Variants in MGAT4C observed in about 807,000 individuals in gnomAD.
MGAT4C encodes MGAT4 family member C.
A neutral mutation model predicts 40.1 loss-of-function variants in MGAT4C; 19 were observed. That is an observed-to-expected ratio of 0.47 (90% CI 0.33 to 0.70). The LOEUF (loss-of-function observed/expected upper bound fraction) is 0.70, where lower values mean the gene tolerates loss of function less well. Ranked by LOEUF, MGAT4C falls within the 30% of genes least tolerant of loss-of-function variation. The pLI, the probability that MGAT4C is intolerant of heterozygous loss-of-function variation, is 0.02. For synonymous variants in MGAT4C, 181 were observed against 187.1 expected, an observed-to-expected ratio of 0.97 and a Z score of 0.27; for missense variants, 491 against 563.2, an observed-to-expected ratio of 0.87 and a Z score of 1.30.
intron 2 of MGAT4C, among the ~76,000 whole-genome samples, chr12:86,592,299 T>C (rs1344064537): frequency 2.0e-5 from 3 of 152,090 alleles, no homozygotes; most frequent in African/African-American, 4.8e-5. Flanking sequence ...CATGAATTTC[T>C]TTCTACTTTA....
At chr12:86,543,115 G>A (rs1173351855) in intron 2 of MGAT4C, among the ~76,000 whole-genome samples, 1 of 151,910 alleles carries the variant, frequency 6.6e-6, no homozygotes, top group Non-Finnish European at 1.5e-5. Context: ...ACCAAACTGA[G>A]TGGGTTCTGT....
At chr12:86,813,107 T>G (rs1952508757) in intron 1 of MGAT4C, among the ~76,000 whole-genome samples, 2 of 151,994 alleles carry the variant, frequency 1.3e-5, no homozygotes, top group Non-Finnish European at 2.9e-5. Context: ...TTGTCAGCAT[T>G]GTCTTTTGCT....
chr12:86,803,572 A>T (rs1212335731), intron 1 of MGAT4C, among the ~76,000 whole-genome samples: 1 of 150,140 alleles, frequency 6.7e-6, no homozygotes, highest in Non-Finnish European at 1.5e-5. Context: ...TTTACAAGAA[A>T]AAAACAAACA....
chr12:86,298,862 T>C (rs1222182703), intron 4 of MGAT4C, among the ~76,000 whole-genome samples: 3 of 152,142 alleles, frequency 2.0e-5, no homozygotes, highest in African/African-American at 7.2e-5. Flanking sequence ...AATCACTCAA[T>C]AAGTGGTTAT....
chr12:85,959,225 G>A lies in MGAT4C; in HGVS notation c.*20064C>T, dbSNP rs1882982627. The A allele has an allele frequency of 6.6e-6, 1 of 151,884 alleles. No homozygotes were observed. The highest frequency in any genetic ancestry group is 1.5e-5 in the Non-Finnish European group (1 of 67,952). 9.4% of individuals were successfully genotyped at this position (151,884 alleles called of 1,614,324 possible). A position where few individuals can be genotyped will look rare whatever the true frequency, so the allele number is the denominator to read the frequency against. On this transcript the variant is annotated 3_prime_UTR_variant, in exon 5 of 5. Coordinates refer to ENST00000611864, the MANE Select transcript of MGAT4C (RefSeq NM_001351288.2). Reference sequence around the variant, plus strand: ...CATTGCTTTGAAGAAGAAACCTTAAGCAACTAGAAATGTCAATCTAAAAGG... The same window carrying A: ...CATTGCTTTGAAGAAGAAACCTTAAACAACTAGAAATGTCAATCTAAAAGG...
chr12:86,117,598 T>C (rs2135670071), intron 1 of MGAT4C, among the ~76,000 whole-genome samples: 1 of 152,270 alleles, frequency 6.6e-6, no homozygotes, highest in East Asian at 1.9e-4. Context: ...ATCATCACTC[T>C]ACCAAATTTC....
chr12:86,139,911 C>G (rs932407232), intron 1 of MGAT4C, among the ~76,000 whole-genome samples: 55 of 152,276 alleles, frequency 3.6e-4, no homozygotes, highest in African/African-American at 1.3e-3. Flanking sequence ...TGACCTTTTA[C>G]AAATACAAAT....
intron 1 of MGAT4C, among the ~76,000 whole-genome samples, chr12:86,765,845 C>T (rs992732354): frequency 6.6e-6 from 1 of 151,998 alleles, no homozygotes; most frequent in African/African-American, 2.4e-5. Flanking sequence ...CCAGGCCTGC[C>T]CTAAAAGAGC....
At chr12:86,639,987 A>G (rs1157782591) in intron 2 of MGAT4C, among the ~76,000 whole-genome samples, 1 of 151,720 alleles carries the variant, frequency 6.6e-6, no homozygotes, top group Non-Finnish European at 1.5e-5. Context: ...TCATATATAT[A>G]TAGTTACACT....
chr12:86,052,300 AC>A (rs548112275), intron 1 of MGAT4C, among the ~76,000 whole-genome samples: 85 of 151,910 alleles, frequency 5.6e-4, no homozygotes, highest in Admixed American at 3.8e-3. Context: ...CAAGCCTTCT[AC>A]AGAGATAGTA....
chr12:86,135,598 C>A (rs1200581921), intron 1 of MGAT4C, among the ~76,000 whole-genome samples: 1 of 152,086 alleles, frequency 6.6e-6, no homozygotes, highest in Admixed American at 6.6e-5. Flanking sequence ...ACTATACCTG[C>A]CTTCTGGATA....
intron 1 of MGAT4C, among the ~76,000 whole-genome samples, chr12:86,743,665 C>T (rs1951108834): frequency 6.6e-6 from 1 of 151,350 alleles, no homozygotes; most frequent in Admixed American, 6.6e-5. Context: ...TAAACAAAGC[C>T]CAGGTTTTTC....
At chr12:86,277,457 G>T (rs1953104420) in intron 4 of MGAT4C, among the ~76,000 whole-genome samples, 1 of 152,100 alleles carries the variant, frequency 6.6e-6, no homozygotes, top group African/African-American at 2.4e-5. Flanking sequence ...CATTACTCAA[G>T]AAATCTTTGC....
At chr12:86,191,033 TC>T (rs1265008365) in intron 1 of MGAT4C, among the ~76,000 whole-genome samples, 1 of 151,518 alleles carries the variant, frequency 6.6e-6, no homozygotes, top group East Asian at 2.0e-4. Flanking sequence ...TGTTGAACTT[TC>T]CAGGCACTAC....
At chr12:86,732,834 A>T (rs1353984641) in intron 1 of MGAT4C, among the ~76,000 whole-genome samples, 1 of 151,674 alleles carries the variant, frequency 6.6e-6, no homozygotes, top group African/African-American at 2.4e-5. Flanking sequence ...CCAGCAAAAA[A>T]AAAAAAAAAA....
chr12:86,714,660 T>TTTTTCTTTATAAATTATAAA (rs1408288191), intron 2 of MGAT4C, among the ~76,000 whole-genome samples: 3 of 151,976 alleles, frequency 2.0e-5, no homozygotes, highest in Non-Finnish European at 4.4e-5. Flanking sequence ...TGCAGAACTG[T>TTTTTCTTTATAAATTATAAA]GAGTCCATTA....
At chr12:86,535,983 CTTAA>C (rs1423454366) in intron 2 of MGAT4C, among the ~76,000 whole-genome samples, 8 of 152,112 alleles carry the variant, frequency 5.3e-5, no homozygotes, top group African/African-American at 1.7e-4. Context: ...CGATTATCTA[CTTAA>C]TTAAATGTAA....
intron 4 of MGAT4C, among the ~76,000 whole-genome samples, chr12:86,284,813 T>G (rs1462163202): frequency 1.3e-5 from 2 of 152,008 alleles, no homozygotes; most frequent in Non-Finnish European, 2.9e-5. Flanking sequence ...GAATATACCA[T>G]AATCTCCAAT....
At chr12:86,015,149 A>T (rs1888951078) in intron 2 of MGAT4C, among the ~76,000 whole-genome samples, 1 of 151,618 alleles carries the variant, frequency 6.6e-6, no homozygotes. Context: ...GAGGTGAAAT[A>T]AACAAAGTTT....
Sources: allele counts gnomAD v4.1 joint callset (sites outside exome capture counted in the v4.1 genomes callset), GRCh38; gene constraint gnomAD v4.1.1; transcripts MANE v1.5; gene names NCBI Gene and HGNC (gene_info 2026-07-23, HGNC 2026-07-21).